The following FHL2 variants were observed in gnomAD, a reference collection of about 807,000 sequenced individuals.
The protein encoded by FHL2 is four and a half LIM domains protein 2.
A neutral mutation model predicts 32.7 loss-of-function variants in FHL2; 20 were observed. The ratio of observed to expected loss-of-function variants is 0.61; its 90% CI spans 0.43 to 0.89. The LOEUF (loss-of-function observed/expected upper bound fraction) is 0.89. Ranked by LOEUF, FHL2 falls within the 40% of genes least tolerant of loss-of-function variation. FHL2 has a pLI of 0.00. For missense variants in FHL2, 311 were observed against 358.6 expected, an observed-to-expected ratio of 0.87 and a Z score of 1.07; for synonymous variants, 123 against 128.1, an observed-to-expected ratio of 0.96 and a Z score of 0.27.
At chr2:105,428,672 C>T (rs978804438) in intron 1 of FHL2, among the ~76,000 whole-genome samples, 3 of 152,208 alleles carry the variant, frequency 2.0e-5, no homozygotes, top group Admixed American at 2.0e-4. Context: ...CCTGGAGCTT[C>T]TATCTGTTGT....
intron 4 of FHL2, among the ~76,000 whole-genome samples, chr2:105,372,028 C>T (rs1273956823): frequency 6.6e-6 from 1 of 152,192 alleles, no homozygotes; most frequent in Admixed American, 6.5e-5. Context: ...CCATGCAGCC[C>T]TTCCAGCTGT....
chr2:105,363,588 T>G, intron 5 of FHL2, 117 bp from the exon 6 acceptor site: 1 of 961,830 alleles, frequency 1.0e-6, no homozygotes, highest in Non-Finnish European at 1.5e-6. Context: ...GTTTGTTAAG[T>G]CACCAAGAAG....
At chr2:105,430,287 G>C (rs1252159391) in intron 1 of FHL2, among the ~76,000 whole-genome samples, 2 of 152,174 alleles carry the variant, frequency 1.3e-5, no homozygotes, top group Admixed American at 1.3e-4. Flanking sequence ...CAAAGTCTCT[G>C]TCTGATCTTC....
chr2:105,427,812 C>G (rs1684309680), intron 1 of FHL2, among the ~76,000 whole-genome samples: 1 of 152,098 alleles, frequency 6.6e-6, no homozygotes, highest in Non-Finnish European at 1.5e-5. Flanking sequence ...GAAGGGACCC[C>G]CTCTGACAGG....
At chr2:105,382,342 C>T (rs77560127) in intron 3 of FHL2, among the ~76,000 whole-genome samples, 98 of 152,302 alleles carry the variant, frequency 6.4e-4, no homozygotes, top group African/African-American at 2.2e-3. Flanking sequence ...ACATCTGGCC[C>T]GAGAGTCACA....
intron 3 of FHL2, 133 bp downstream of exon 3, chr2:105,386,228 G>T (rs532711887): frequency 3.1e-6 from 3 of 955,154 alleles, no homozygotes; most frequent in East Asian, 2.5e-5. Context: ...AAGGCTACAC[G>T]CAGGGTCCAC....
At chr2:105,432,261 A>G (rs574217566) in intron 1 of FHL2, among the ~76,000 whole-genome samples, 1 of 152,324 alleles carries the variant, frequency 6.6e-6, no homozygotes, top group South Asian at 2.1e-4. Context: ...TTCAATTTGC[A>G]GGAGTAGAGA....
At chr2:105,363,175 C>T in intron 6 of FHL2, 110 bp downstream of exon 6, 1 of 1,029,072 alleles carries the variant, frequency 9.7e-7, no homozygotes, top group Non-Finnish European at 1.5e-6. Flanking sequence ...TGTTCAGAGC[C>T]TTAGGGAGGT....
In FHL2 at chr2:105,398,931, C is replaced by A; in HGVS notation, c.-165G>T. The A allele has an allele frequency of 6.5e-7, 1 of 1,537,338 alleles. No individual in the cohort carries two copies. The highest frequency in any genetic ancestry group is 8.7e-7 in the Non-Finnish European group (1 of 1,145,428). ...TCCGAGCCCTGGTGGCTAAGCCCCT[C>A]GGCCTCCCTCCGGGGCGCAGGGGGT... On this transcript the variant is annotated 5_prime_UTR_variant, in exon 1 of 7. Coordinates refer to ENST00000530340, the MANE Select transcript of FHL2 (RefSeq NM_001318895.3).
intron 1 of FHL2, among the ~76,000 whole-genome samples, chr2:105,406,166 T>G (rs1242813659): frequency 6.6e-6 from 1 of 152,236 alleles, no homozygotes; most frequent in East Asian, 1.9e-4. Flanking sequence ...GCAATAGTAG[T>G]TGACTGCTGA....
chr2:105,405,569 G>A (rs1218429138), intron 1 of FHL2, among the ~76,000 whole-genome samples: 2 of 152,190 alleles, frequency 1.3e-5, no homozygotes, highest in African/African-American at 2.4e-5. Flanking sequence ...GAGCCACCAT[G>A]GCTGGCAAGA....
chr2:105,384,765 C>T lies in FHL2; in HGVS notation c.156+1596G>A, dbSNP rs976951160. The stretch of plus-strand genomic sequence containing the variant: ...TCAATTGATTCACCCGCCTTGGCCT[C>T]CCAAAGTGCTGGGATTATAGGCTTT... On this transcript the variant is annotated intron_variant, in intron 3 of 6. Transcript: ENST00000530340. Among the ~76,000 whole-genome samples the T allele has an allele frequency of 8.5e-5, 13 of 152,228 alleles. 1 individual carries two copies. Among genetic ancestry groups the T allele is most frequent in the Admixed American group, 7.9e-4 (12 of 15,286 alleles).
At chr2:105,377,917 C>A (rs2104552589) in intron 3 of FHL2, 1 of 398,514 alleles carries the variant, frequency 2.5e-6, no homozygotes, top group African/African-American at 2.1e-5. Flanking sequence ...GGCATTACGC[C>A]CAGAGGGGTG....
intron 1 of FHL2, among the ~76,000 whole-genome samples, chr2:105,421,724 A>G (rs73948408): frequency 0.027 from 4,105 of 152,268 alleles, 207 homozygotes; most frequent in African/African-American, 0.094. Context: ...TATGGCTTGC[A>G]TTGACCAAGA....
intron 1 of FHL2, among the ~76,000 whole-genome samples, chr2:105,410,043 C>A (rs1370042865): frequency 6.6e-6 from 1 of 152,226 alleles, no homozygotes; most frequent in Non-Finnish European, 1.5e-5. Flanking sequence ...TCAGGCAGAG[C>A]TGGAAGCTGA....
chr2:105,406,946 C>T (rs61678503), intron 1 of FHL2, among the ~76,000 whole-genome samples: 30,824 of 152,176 alleles, frequency 0.2, 3,228 homozygotes, highest in South Asian at 0.25. Flanking sequence ...CCATCATAGC[C>T]TCATTTTTGA....
chr2:105,377,845 C>T, intron 3 of FHL2: 1 of 352,934 alleles, frequency 2.8e-6, no homozygotes, highest in South Asian at 2.2e-5. Flanking sequence ...GGGAGGAGAT[C>T]CTTGGCCTCT....
chr2:105,410,913 G>A lies in FHL2; in HGVS notation c.-24-24373C>T, dbSNP rs1049137460. On this transcript the variant is annotated intron_variant, in intron 1 of 5. Transcript: ENST00000393352. ...GGACTTAGTTATTTTAGGAAGCCAA[G>A]TGCTGCACATAGAGCCAACCTCAGT... 5.9e-5 allele frequency among the ~76,000 whole-genome samples: 9 copies of A among 152,210 alleles called. No homozygotes were observed. In the South Asian group the frequency reaches 8.3e-4, roughly 14 times the overall value.
Position 105,396,629 on chromosome 2 carries a change from G to A in FHL2, c.-25+18C>T, listed in dbSNP as rs1683146703. The A allele has an allele frequency of 1.2e-6, 2 of 1,610,158 alleles. No individual in the cohort carries two copies. Among genetic ancestry groups the A allele is most frequent in the Middle Eastern group, 1.7e-4 (1 of 6,054 alleles). On this transcript the variant is annotated intron_variant, in intron 2 of 6. Coordinates refer to ENST00000530340, the MANE Select transcript of FHL2 (RefSeq NM_001318895.3). Reference sequence around the variant, plus strand: ...AAATCCACAATTTAGGATAACAGAGGAAATTCACTTGACTCACCCCAAAGT... The same window carrying A: ...AAATCCACAATTTAGGATAACAGAGAAAATTCACTTGACTCACCCCAAAGT...
Sources: gnomAD v4.1 joint callset for allele counts (sites outside exome capture counted in the v4.1 genomes callset) on GRCh38, gnomAD v4.1.1 for gene constraint, MANE v1.5 for transcripts, NCBI Gene and HGNC (gene_info 2026-07-23, HGNC 2026-07-21) for gene names.